CLEC4F: variants seen among roughly 807,000 people sequenced by gnomAD.
CLEC4F encodes the protein C-type (calcium dependent, carbohydrate-recognition domain) lectin, superfamily member 13.
Under a neutral mutation model 53.4 loss-of-function variants are expected in CLEC4F, and 45 were observed. The ratio of observed to expected loss-of-function variants is 0.84; its 90% CI spans 0.66 to 1.08. The LOEUF (loss-of-function observed/expected upper bound fraction) is 1.08. CLEC4F is among the 50% of genes least tolerant of loss of function. The pLI is 0.00. For synonymous variants in CLEC4F, 245 were observed against 257.5 expected (o/e 0.95, Z 0.46); for missense variants, 753 against 698.2 (o/e 1.08, Z -0.88).
At chr2:70,810,002 A>C in intron 5 of CLEC4F, 145 bp from the exon 6 acceptor site, 5 of 630,796 alleles carry the variant, frequency 7.9e-6, no homozygotes, top group Non-Finnish European at 1.1e-5. Context: ...CTTTTATCTC[A>C]TTTGGGGAAA....
chr2:70,809,991 A>C (rs1473948049), intron 5 of CLEC4F, 134 bp from the exon 6 acceptor site: 8 of 656,308 alleles, frequency 1.2e-5, no homozygotes, highest in Non-Finnish European at 2.2e-5. Flanking sequence ...ATTTTAAAAC[A>C]CTTTTATCTC....
chr2:70,823,042 C>A (rs7575952), upstream of CLEC4F, among the ~76,000 whole-genome samples: 15 of 152,016 alleles, frequency 9.9e-5, no homozygotes, highest in Non-Finnish European at 2.2e-4. Flanking sequence ...GCAAGCAAGT[C>A]GCCCCGTGGG....
chr2:70,815,971 C>T lies in CLEC4F; in HGVS notation c.1387+23G>A, dbSNP rs143111244. On this transcript the variant is annotated intron_variant, in intron 4 of 6. Transcript: ENST00000272367. ...CTCAAGAGACTGTGCCCTCCCCAAA[C>T]GCGACTCCCCTCTCCCACTTACTTT... The T allele has an allele frequency of 2.1e-5, 33 of 1,598,618 alleles. No homozygotes were observed. The East Asian group carries it at 4.5e-4, about 22-fold the overall frequency.
chr2:70,823,790 A>C (rs1341176102), upstream of CLEC4F, among the ~76,000 whole-genome samples: 1 of 152,178 alleles, frequency 6.6e-6, no homozygotes, highest in African/African-American at 2.4e-5. Context: ...GCACTTTGTG[A>C]GGCCGAGGCA....
At chr2:70,824,543 T>C (rs1263028953), upstream of CLEC4F, among the ~76,000 whole-genome samples, 7 of 141,260 alleles carry the variant, frequency 5.0e-5, no homozygotes, top group Admixed American at 1.6e-4. Flanking sequence ...AATGGCTGAC[T>C]CTAGAACTGG....
At chr2:70,817,147 G>A (rs781999446) in intron 3 of CLEC4F, 35 bp from the exon 4 acceptor site, 2 of 1,585,168 alleles carry the variant, frequency 1.3e-6, no homozygotes, top group Non-Finnish European at 1.7e-6. Context: ...AGCCAAAGAG[G>A]CCCATTATGT....
In CLEC4F at chr2:70,809,721, G is replaced by T; in HGVS notation, c.1658+18C>A. 1.3e-6 allele frequency: 2 copies of T among 1,590,492 alleles called. No individual in the cohort carries two copies. Among genetic ancestry groups the T allele is most frequent in the Non-Finnish European group, 1.7e-6 (2 of 1,158,728 alleles). ...AAAGACAGTGCCTGGGACAGCGCCA[G>T]ATGGTGGCTAGACTCACGCTTTGTT... On this transcript the variant is annotated intron_variant, in intron 6 of 6. Coordinates refer to ENST00000272367, the MANE Select transcript of CLEC4F (RefSeq NM_173535.3).
At chr2:70,824,302 C>T (rs1436693950), upstream of CLEC4F, among the ~76,000 whole-genome samples, 2 of 96,422 alleles carry the variant, frequency 2.1e-5, no homozygotes, top group African/African-American at 6.9e-5. Flanking sequence ...GCTTTTATTC[C>T]GTTCGTCTCC....
At chr2:70,810,095 A>G (rs1400010140) in intron 5 of CLEC4F, among the ~76,000 whole-genome samples, 2 of 151,524 alleles carry the variant, frequency 1.3e-5, no homozygotes, top group Non-Finnish European at 2.9e-5. Context: ...AAACATTTCT[A>G]CTTCTTTAGT....
Position 70,811,804 on chromosome 2 carries a change from A to T in CLEC4F, c.1539+643T>A, listed in dbSNP as rs184310413. 1.3e-3 allele frequency among the ~76,000 whole-genome samples: 196 copies of T among 152,194 alleles called. No homozygotes were observed. The Middle Eastern group carries it at 0.02, about 16-fold the overall frequency. On this transcript the variant is annotated intron_variant, in intron 5 of 6. Coordinates refer to ENST00000272367, the MANE Select transcript of CLEC4F (RefSeq NM_173535.3). ...TGACATTAAAATCAAGACAGGCTGG[A>T]TGCAGTGGCTCACTCCCAGCACTTT... is the stretch of plus-strand genomic sequence containing the variant.
At chr2:70,814,576 C>T (rs564926257) in intron 4 of CLEC4F, among the ~76,000 whole-genome samples, 1 of 152,312 alleles carries the variant, frequency 6.6e-6, no homozygotes, top group South Asian at 2.1e-4. Flanking sequence ...CATTGGCAAA[C>T]TCTAGCCTGT....
At position 70,812,564 on chromosome 2, in the gene CLEC4F, C is replaced by T; in HGVS notation, c.1422G>A (p.Lys474=). 6.2e-7 allele frequency: 1 copy of T among 1,614,226 alleles called. No homozygotes were observed. Reference sequence around the variant, plus strand: ...AATAATATAAGCTTCCACCATTGAACTTCCAGCCTTGCAGGACCATCTGGA... The same window carrying T: ...AATAATATAAGCTTCCACCATTGAATTTCCAGCCTTGCAGGACCATCTGGA... ...QLLQMVLQGW[K]FNGGSLYYFS... is the part of the protein sequence containing the mutation. The change falls in exon 5 of 7, where the codon AAG becomes AAA. Residue 474 remains lysine (K), a synonymous_variant. Coordinates refer to ENST00000272367, the MANE Select transcript of CLEC4F (RefSeq NM_173535.3).
chr2:70,820,624 C>T, upstream of CLEC4F: 1 of 1,177,830 alleles, frequency 8.5e-7, no homozygotes. Context: ...GACACCCACA[C>T]TTATATGCTC....
intron 3 of CLEC4F, among the ~76,000 whole-genome samples, chr2:70,817,850 A>G (rs1039296797): frequency 5.9e-5 from 9 of 152,302 alleles, no homozygotes; most frequent in Non-Finnish European, 1.2e-4. Flanking sequence ...TCCCTACAGA[A>G]CAGTTTGAGG....
intron 4 of CLEC4F, among the ~76,000 whole-genome samples, chr2:70,813,511 T>TTTTCTTTCTTTC (rs145244559): frequency 2.1e-5 from 3 of 144,868 alleles, no homozygotes; most frequent in African/African-American, 7.8e-5. Flanking sequence ...TCTTTCTTTC[T>TTTTCTTTCTTTC]TTTCTTTCTT....
chr2:70,813,267 C>A (rs1553394761), intron 4 of CLEC4F, among the ~76,000 whole-genome samples: 2 of 152,220 alleles, frequency 1.3e-5, no homozygotes, highest in East Asian at 3.9e-4. Context: ...TAGCCACTGC[C>A]ATACTGTACA....
In CLEC4F at chr2:70,809,028, A is replaced by G; in HGVS notation, c.*243T>C. 1 of 1,475,742 alleles carries G rather than the reference A, an allele frequency of 6.8e-7. No homozygotes were observed. Among genetic ancestry groups the G allele is most frequent in the Non-Finnish European group, 9.2e-7 (1 of 1,091,448 alleles). The allele number at this position is 1,475,742 out of a possible 1,614,324, so 91.4% of individuals were successfully genotyped here. On this transcript the variant is annotated 3_prime_UTR_variant, in exon 7 of 7. Transcript: ENST00000272367. ...TCTGCTGAATTTGGACACAGTCTTC[A>G]GTCTGCCCATTCTTGTGCCGCCAGT... is the stretch of plus-strand genomic sequence containing the variant.
intron 2 of CLEC4F, 68 bp downstream of exon 2, chr2:70,819,706 TG>T: frequency 8.6e-7 from 1 of 1,165,264 alleles, no homozygotes; most frequent in Non-Finnish European, 1.2e-6. Flanking sequence ...AGTGTGCATC[TG>T]GGGCCCCTGG....
In CLEC4F at chr2:70,816,796, G is replaced by A; in HGVS notation, c.585C>T (p.Phe195=). 6.2e-7 allele frequency: 1 copy of A among 1,614,094 alleles called. No homozygotes were observed. Among genetic ancestry groups the A allele is most frequent in the Non-Finnish European group, 8.5e-7 (1 of 1,180,024 alleles). Residue 195 remains phenylalanine (F), a synonymous_variant, in exon 4 of 7, where the codon TTC becomes TTT. Transcript: ENST00000272367. ...TGCTTTTTAAGAAATTCAGCGTCTG[G>A]AAAGTTAAAGCATCTGCCTTTTCAA... is the stretch of plus-strand genomic sequence containing the variant. ...EDLEKADALT[F]QTLNFLKSSL...
Sources: gnomAD v4.1 joint callset for allele counts (sites outside exome capture counted in the v4.1 genomes callset) on GRCh38, gnomAD v4.1.1 for gene constraint, MANE v1.5 for transcripts, NCBI Gene and HGNC (gene_info 2026-07-23, HGNC 2026-07-21) for gene names.